Variants in PITPNM2 observed in about 807,000 individuals in gnomAD.
PITPNM2 encodes the protein membrane-associated phosphatidylinositol transfer protein 2.
PITPNM2 carries 35 observed loss-of-function variants against 132.2 expected under a neutral mutation model. That is an observed-to-expected ratio of 0.26 (90% CI 0.20 to 0.35). The LOEUF is 0.35. Among genes scored for constraint, PITPNM2 ranks in the 10% least tolerant of loss-of-function variants. The probability of loss-of-function intolerance (pLI) is 1.00; values close to 1 mark genes in which losing one functional copy is unlikely to be tolerated. For missense variants in PITPNM2, 1,332 were observed against 1,912.0 expected (o/e 0.70, Z 5.66); for synonymous variants, 738 against 799.2 (o/e 0.92, Z 1.29).
At chr12:123,123,241 T>G (rs1241406964) in intron 1 of PITPNM2, among the ~76,000 whole-genome samples, 1 of 152,154 alleles carries the variant, frequency 6.6e-6, no homozygotes, top group African/African-American at 2.4e-5. Flanking sequence ...CAGAGAACCA[T>G]CTGCAGGATT....
intron 1 of PITPNM2, among the ~76,000 whole-genome samples, chr12:123,142,516 C>T (rs964755416): frequency 3.3e-5 from 5 of 152,172 alleles, no homozygotes; most frequent in Non-Finnish European, 5.9e-5. Context: ...GGTTCTTAAA[C>T]ACATCAAACA....
At chr12:123,133,774 C>T (rs910301255) in intron 1 of PITPNM2, among the ~76,000 whole-genome samples, 2 of 150,124 alleles carry the variant, frequency 1.3e-5, no homozygotes, top group Non-Finnish European at 2.9e-5. Flanking sequence ...GCAATCTTAG[C>T]ATCACAATTA....
intron 1 of PITPNM2, among the ~76,000 whole-genome samples, chr12:123,127,610 C>CTT (rs1202654049): frequency 6.3e-4 from 88 of 139,472 alleles, no homozygotes; most frequent in African/African-American, 1.9e-3. Flanking sequence ...CTTTTTCTTT[C>CTT]TTTTTTTTTT....
chr12:123,130,185 A>G (rs2043231812), intron 1 of PITPNM2, among the ~76,000 whole-genome samples: 1 of 152,156 alleles, frequency 6.6e-6, no homozygotes. Flanking sequence ...CCACATATGA[A>G]TCATGCTAAT....
At chr12:123,149,273 T>C (rs1396230093) in intron 1 of PITPNM2, among the ~76,000 whole-genome samples, 1 of 152,166 alleles carries the variant, frequency 6.6e-6, no homozygotes, top group African/African-American at 2.4e-5. Flanking sequence ...CAACACTCAC[T>C]ACCCAGAGAA....
At chr12:123,094,451 G>A (rs1398244530) in intron 2 of PITPNM2, among the ~76,000 whole-genome samples, 2 of 152,166 alleles carry the variant, frequency 1.3e-5, no homozygotes, top group African/African-American at 4.8e-5. Context: ...CTTCCTGCCA[G>A]GCTTGTCCTC....
intron 2 of PITPNM2, chr12:123,084,444 C>T (rs55820451): frequency 0.049 from 7,491 of 152,270 alleles, 619 homozygotes; most frequent in African/African-American, 0.17. Flanking sequence ...ACCCAGCCCC[C>T]GACCAGAACC....
chr12:123,119,715 C>T (rs1019142588), intron 1 of PITPNM2, among the ~76,000 whole-genome samples: 5 of 151,888 alleles, frequency 3.3e-5, no homozygotes, highest in Non-Finnish European at 5.9e-5. Flanking sequence ...CCATGTGGCT[C>T]CATGAGTACT....
At position 123,095,464 on chromosome 12, in the gene PITPNM2, C is replaced by T. The variant is rs1379888480; in HGVS notation, c.-96+14921G>A. Among the ~76,000 whole-genome samples, 1 of 152,202 alleles carries T rather than the reference C, an allele frequency of 6.6e-6. No homozygotes were observed. The highest frequency in any genetic ancestry group is 1.5e-5 in the Non-Finnish European group (1 of 68,028). On this transcript the variant is annotated intron_variant, in intron 2 of 25. Transcript: ENST00000320201. The surrounding 1 kb of genome is among the most constrained non-coding windows in gnomAD (Gnocchi z 5.0). ...TTAAAGCGCAAAGATCTTTCAGGTA[C>T]TCAACAAAGCAAGATGTCGTGATGT...
intron 1 of PITPNM2, among the ~76,000 whole-genome samples, chr12:123,142,563 G>A (rs1016032331): frequency 2.6e-5 from 4 of 152,164 alleles, no homozygotes; most frequent in Non-Finnish European, 5.9e-5. Context: ...ACTGCCATGG[G>A]GAAGGCTGCA....
intron 8 of PITPNM2, among the ~76,000 whole-genome samples, chr12:123,002,887 T>C (rs771629513): frequency 6.6e-6 from 1 of 152,192 alleles, no homozygotes; most frequent in Non-Finnish European, 1.5e-5. Context: ...AAACTATATA[T>C]TACTGTGGTT....
At chr12:123,072,468 C>A (rs1387350876) in intron 2 of PITPNM2, among the ~76,000 whole-genome samples, 1 of 152,200 alleles carries the variant, frequency 6.6e-6, no homozygotes, top group Non-Finnish European at 1.5e-5. Flanking sequence ...AAGTAGACAG[C>A]AAGTTAAGGC....
At chr12:123,061,352 G>C (rs117379455) in intron 2 of PITPNM2, among the ~76,000 whole-genome samples, 1 of 152,218 alleles carries the variant, frequency 6.6e-6, no homozygotes, top group Non-Finnish European at 1.5e-5. Flanking sequence ...AGCTCTGTGA[G>C]GGCAGCCAAC....
intron 2 of PITPNM2, among the ~76,000 whole-genome samples, chr12:123,041,430 C>T (rs1014564291): frequency 6.6e-6 from 1 of 152,164 alleles, no homozygotes; most frequent in Non-Finnish European, 1.5e-5. Context: ...CAGCCAGGCA[C>T]GGACCTACTG....
intron 1 of PITPNM2, among the ~76,000 whole-genome samples, chr12:123,145,231 T>C (rs1403580046): frequency 6.6e-6 from 1 of 152,146 alleles, no homozygotes; most frequent in Non-Finnish European, 1.5e-5. Context: ...CAAATAACTA[T>C]GCATACATGT....
intron 2 of PITPNM2, among the ~76,000 whole-genome samples, chr12:123,105,072 T>A (rs2042673119): frequency 6.6e-6 from 1 of 152,096 alleles, no homozygotes; most frequent in Non-Finnish European, 1.5e-5. Context: ...TCCAGTTTCC[T>A]GAACATCCTG....
chr12:123,076,960 T>C (rs879723084), intron 2 of PITPNM2, among the ~76,000 whole-genome samples: 4 of 152,178 alleles, frequency 2.6e-5, no homozygotes, highest in African/African-American at 7.2e-5. Flanking sequence ...GGGAGCTGCC[T>C]GTGCCGGGCA....
At chr12:123,145,615 C>G (rs559766428) in intron 1 of PITPNM2, among the ~76,000 whole-genome samples, 1 of 152,322 alleles carries the variant, frequency 6.6e-6, no homozygotes, top group Admixed American at 6.5e-5. Flanking sequence ...TTTCCATGCT[C>G]TCTCTCCAAG....
intron 2 of PITPNM2, among the ~76,000 whole-genome samples, chr12:123,076,949 T>C (rs1345805091): frequency 6.6e-6 from 1 of 152,142 alleles, no homozygotes; most frequent in Admixed American, 6.5e-5. Context: ...GAGGTCACGG[T>C]GGGAGCTGCC....
Sources: gnomAD v4.1 joint callset for allele counts (sites outside exome capture counted in the v4.1 genomes callset) on GRCh38, gnomAD v4.1.1 for gene constraint, Gnocchi (gnomAD v3.1) non-coding constraint, MANE v1.5 for transcripts, NCBI Gene and HGNC (gene_info 2026-07-23, HGNC 2026-07-21) for gene names.